Variants in NR3C2 observed in about 807,000 individuals in gnomAD.
NR3C2 encodes the protein mineralocorticoid receptor.
A neutral mutation model predicts 86.4 loss-of-function variants in NR3C2; 15 were observed. The ratio of observed to expected loss-of-function variants is 0.17; its 90% CI spans 0.12 to 0.27. The LOEUF is 0.27. NR3C2 is among the 10% of genes least tolerant of loss of function. The pLI is 1.00. For missense variants in NR3C2, 960 were observed against 1,195.6 expected (o/e 0.80, Z 2.91); for synonymous variants, 458 against 450.5 (o/e 1.02, Z -0.21).
intron 4 of NR3C2, among the ~76,000 whole-genome samples, chr4:148,181,144 T>C (rs1045629975): frequency 2.6e-5 from 4 of 152,184 alleles, no homozygotes; most frequent in African/African-American, 7.2e-5. Flanking sequence ...TGGAAGTACA[T>C]TGGAACCAGA....
At chr4:148,177,660 G>A (rs1238992207) in intron 4 of NR3C2, among the ~76,000 whole-genome samples, 3 of 152,172 alleles carry the variant, frequency 2.0e-5, no homozygotes, top group Admixed American at 6.5e-5. Flanking sequence ...AGTCTGAGGC[G>A]GATGACACCA....
At chr4:148,239,902 G>T (rs1738933736) in intron 3 of NR3C2, among the ~76,000 whole-genome samples, 1 of 152,000 alleles carries the variant, frequency 6.6e-6, no homozygotes, top group Non-Finnish European at 1.5e-5. Flanking sequence ...CATCATGATG[G>T]GGTCTGGTTT....
At chr4:148,347,509 A>C (rs1205219187) in intron 2 of NR3C2, among the ~76,000 whole-genome samples, 1 of 152,116 alleles carries the variant, frequency 6.6e-6, no homozygotes, top group Non-Finnish European at 1.5e-5. Context: ...AAATTCTAAA[A>C]TTATGTATGT....
At chr4:148,214,870 A>G (rs997261585) in intron 3 of NR3C2, among the ~76,000 whole-genome samples, 5 of 152,202 alleles carry the variant, frequency 3.3e-5, no homozygotes, top group Non-Finnish European at 7.3e-5. Context: ...ACGTTAAAAA[A>G]ATTATGCAGG....
chr4:148,194,312 T>C (rs1049444490), intron 4 of NR3C2, among the ~76,000 whole-genome samples: 7 of 152,322 alleles, frequency 4.6e-5, no homozygotes, highest in Admixed American at 4.6e-4. Flanking sequence ...CACTGTAACA[T>C]TTCAAAGCTT....
At chr4:148,394,938 A>T (rs1196680159) in intron 2 of NR3C2, among the ~76,000 whole-genome samples, 1 of 152,154 alleles carries the variant, frequency 6.6e-6, no homozygotes. Flanking sequence ...GGAAAAAAAG[A>T]TCAACTAAAG....
At chr4:148,420,921 C>T (rs942780163) in intron 2 of NR3C2, among the ~76,000 whole-genome samples, 4 of 152,204 alleles carry the variant, frequency 2.6e-5, no homozygotes, top group African/African-American at 9.6e-5. Context: ...TCCTCAGAAG[C>T]CGAGCAGATG....
chr4:148,313,051 T>G (rs1742980836), intron 2 of NR3C2, among the ~76,000 whole-genome samples: 2 of 152,316 alleles, frequency 1.3e-5, no homozygotes, highest in African/African-American at 4.8e-5. Flanking sequence ...TTTAATTACT[T>G]GTTTAAATGA....
intron 2 of NR3C2, among the ~76,000 whole-genome samples, chr4:148,315,881 G>C (rs1052422503): frequency 6.6e-5 from 10 of 152,074 alleles, no homozygotes; most frequent in African/African-American, 2.4e-4. Context: ...AAATTGTATT[G>C]CAGTAATGAA....
intron 7 of NR3C2, among the ~76,000 whole-genome samples, chr4:148,117,382 C>A (rs1478365246): frequency 6.6e-6 from 1 of 152,150 alleles, no homozygotes; most frequent in Non-Finnish European, 1.5e-5. Context: ...ACACTCTGCC[C>A]TCGCTGCTGC....
rs1159942254 is a variant in NR3C2, at chr4:148,154,540, G to A, written c.2365+11C>T. On this transcript the variant is annotated intron_variant, in intron 5 of 8. Transcript: ENST00000358102. ...TCAGGATGCAGCCTGTGAAAGGAGA[G>A]GCAATCCTACCTGGAAGTACCTTTG... The A allele has an allele frequency of 1.2e-6, 2 of 1,613,106 alleles. No individual in the cohort carries two copies. The highest frequency in any genetic ancestry group is 1.7e-6 in the Non-Finnish European group (2 of 1,179,242).
At chr4:148,210,953 G>C (rs1737253251) in intron 3 of NR3C2, among the ~76,000 whole-genome samples, 1 of 152,056 alleles carries the variant, frequency 6.6e-6, no homozygotes, top group African/African-American at 2.4e-5. Flanking sequence ...TTGCTTCTAT[G>C]GTCCTGAAAA....
intron 5 of NR3C2, among the ~76,000 whole-genome samples, chr4:148,153,010 CAAT>C (rs1734173921): frequency 6.6e-6 from 1 of 152,096 alleles, no homozygotes; most frequent in South Asian, 2.1e-4. Flanking sequence ...TGTGTATCTG[CAAT>C]AATGGTGGGA....
intron 2 of NR3C2, among the ~76,000 whole-genome samples, chr4:148,321,508 A>G (rs1743587278): frequency 6.6e-6 from 1 of 151,890 alleles, no homozygotes; most frequent in South Asian, 2.1e-4. Context: ...AATGTGTGGG[A>G]GTCTAAGTCT....
intron 3 of NR3C2, among the ~76,000 whole-genome samples, chr4:148,253,777 C>T (rs1387863832): frequency 6.6e-6 from 1 of 152,074 alleles, no homozygotes; most frequent in East Asian, 1.9e-4. Flanking sequence ...ATAAATAACT[C>T]ATTTGTTATG....
chr4:148,158,955 G>A (rs1480780381), intron 4 of NR3C2, among the ~76,000 whole-genome samples: 1 of 152,132 alleles, frequency 6.6e-6, no homozygotes, highest in Admixed American at 6.5e-5. Flanking sequence ...ATAGTTCAAG[G>A]TAATAAATAT....
At chr4:148,084,067 G>GGGA (rs1730701510) in intron 8 of NR3C2, among the ~76,000 whole-genome samples, 1 of 152,168 alleles carries the variant, frequency 6.6e-6, no homozygotes, top group East Asian at 1.9e-4. Flanking sequence ...GAAAGTGAAG[G>GGGA]GGAGAATAGA....
intron 2 of NR3C2, among the ~76,000 whole-genome samples, chr4:148,391,928 C>T (rs926818069): frequency 2.7e-5 from 4 of 145,484 alleles, no homozygotes; most frequent in Admixed American, 2.7e-4. Context: ...ATTTTTTATA[C>T]AATAAATCAT....
chr4:148,386,730 T>C (rs931147119), intron 2 of NR3C2, among the ~76,000 whole-genome samples: 2 of 152,228 alleles, frequency 1.3e-5, no homozygotes, highest in Admixed American at 1.3e-4. Flanking sequence ...TTGCTGTAAT[T>C]CAAGAATTCC....
Sources: allele counts gnomAD v4.1 joint callset (sites outside exome capture counted in the v4.1 genomes callset), GRCh38; gene constraint gnomAD v4.1.1; transcripts MANE v1.5; gene names NCBI Gene and HGNC (gene_info 2026-07-23, HGNC 2026-07-21).